The following CNTLN variants were observed in gnomAD, a reference collection of about 807,000 sequenced individuals.
The protein encoded by CNTLN is centlein, centrosomal protein.
CNTLN carries 212 observed loss-of-function variants against 180.0 expected under a neutral mutation model. That is an observed-to-expected ratio of 1.18 (90% confidence interval 1.05 to 1.32). The LOEUF is 1.32. Among genes scored for constraint, CNTLN ranks in the 40% most tolerant of loss-of-function variants. The pLI is 0.00. For missense variants in CNTLN, 2,095 were observed against 1,610.9 expected (o/e 1.30, Z -5.14); for synonymous variants, 722 against 563.1 (o/e 1.28, Z -3.99).
chr9:17,285,456 A>AAT (rs1277184009), intron 6 of CNTLN, among the ~76,000 whole-genome samples: 3 of 147,852 alleles, frequency 2.0e-5, no homozygotes, highest in Non-Finnish European at 3.0e-5. Context: ...ATAATGCCAC[A>AAT]ATAAACATAC....
Position 17,416,123 on chromosome 9 carries a change from T to A in CNTLN, c.3048T>A (p.Asn1016Lys). The A allele has an allele frequency of 6.2e-7, 1 of 1,613,618 alleles. No homozygotes were observed. Among genetic ancestry groups the A allele is most frequent in the Admixed American group, 1.7e-5 (1 of 59,976 alleles). The change falls in exon 18 of 26, where the codon AAT becomes AAA. Residue 1016 changes from asparagine (N) to lysine (K), a missense_variant. Transcript: ENST00000380647. Reference sequence around the variant, plus strand: ...CTGTTAAAGAATATAAAGAAGTTAATGAAAAGCTCCTCCATCAACAGCAAG... The same window carrying A: ...CTGTTAAAGAATATAAAGAAGTTAAAGAAAAGCTCCTCCATCAACAGCAAG... ...ELSVKEYKEV[N>K]EKLLHQQQVS...
chr9:17,381,074 A>T (rs999456843), intron 13 of CNTLN, among the ~76,000 whole-genome samples: 1 of 152,184 alleles, frequency 6.6e-6, no homozygotes, highest in East Asian at 1.9e-4. Flanking sequence ...GTTAGTTTCT[A>T]TGGAGGATTG....
intron 2 of CNTLN, among the ~76,000 whole-genome samples, chr9:17,188,852 A>T (rs1038024561): frequency 6.6e-6 from 1 of 151,888 alleles, no homozygotes. Context: ...TGAATTGCTT[A>T]ATTTCATTAT....
Position 17,486,974 on chromosome 9 carries a change from AT to A in CNTLN, c.4042-7del, listed in dbSNP as rs757096311. 29 of 1,489,436 alleles carry A rather than the reference AT, an allele frequency of 1.9e-5. No individual in the cohort carries two copies. The highest frequency in any genetic ancestry group is 2.3e-5 in the Non-Finnish European group (25 of 1,089,376). The allele number at this position is 1,489,436 out of a possible 1,614,324, so 92.3% of individuals were successfully genotyped here. A position where few individuals can be genotyped will look rare whatever the true frequency, so the allele number is the denominator to read the frequency against. ...AAATTTCGTTAACACCAGTGTTTTTATTTTTTTTCTTCAGGAAATTGAAAAA... is the reference window on the plus strand; with the variant it reads ...AAATTTCGTTAACACCAGTGTTTTTATTTTTTTCTTCAGGAAATTGAAAAA... On this transcript the variant is annotated splice_polypyrimidine_tract_variant and intron_variant, in intron 24 of 25. Transcript: ENST00000380647.
At chr9:17,267,269 A>G (rs1361621116) in intron 5 of CNTLN, among the ~76,000 whole-genome samples, 5 of 152,100 alleles carry the variant, frequency 3.3e-5, no homozygotes, top group African/African-American at 9.7e-5. Context: ...GTTTGTCTGT[A>G]AAGTATTTTA....
intron 8 of CNTLN, among the ~76,000 whole-genome samples, chr9:17,321,488 A>C (rs1819908274): frequency 6.6e-6 from 1 of 152,192 alleles, no homozygotes; most frequent in African/African-American, 2.4e-5. Context: ...TTGAATGAAC[A>C]CATGAAAATC....
chr9:17,311,596 T>C (rs956093942), intron 8 of CNTLN, among the ~76,000 whole-genome samples: 1 of 151,414 alleles, frequency 6.6e-6, no homozygotes, highest in Non-Finnish European at 1.5e-5. Context: ...AATCATGAGG[T>C]CAAGAGTTAG....
chr9:17,429,236 AC>A, intron 18 of CNTLN, among the ~76,000 whole-genome samples: 1 of 152,056 alleles, frequency 6.6e-6, no homozygotes, highest in Non-Finnish European at 1.5e-5. Flanking sequence ...TCTTATCTCA[AC>A]AATGCTAATA....
At chr9:17,316,207 C>A (rs935033764) in intron 8 of CNTLN, among the ~76,000 whole-genome samples, 1 of 151,858 alleles carries the variant, frequency 6.6e-6, no homozygotes, top group Non-Finnish European at 1.5e-5. Context: ...CCTTTAGTGG[C>A]AATTTTTGTC....
chr9:17,491,722 T>C lies in CNTLN; in HGVS notation c.4119+4656T>C, dbSNP rs112575183. On this transcript the variant is annotated intron_variant, in intron 25 of 25. Coordinates refer to ENST00000380647, the MANE Select transcript of CNTLN (RefSeq NM_017738.4). ...AAGTAAAGACTTTGATCAGTGGCTTTTCTTTACCTTTAAATATCTCTGTTC... is the reference window on the plus strand; with the variant it reads ...AAGTAAAGACTTTGATCAGTGGCTTCTCTTTACCTTTAAATATCTCTGTTC... Among the ~76,000 whole-genome samples, 1,435 of 152,262 alleles carry C rather than the reference T, an allele frequency of 9.4e-3. 13 individuals carry two copies. Among genetic ancestry groups the C allele is most frequent in the Non-Finnish European group, 0.014 (954 of 67,978 alleles).
intron 5 of CNTLN, among the ~76,000 whole-genome samples, chr9:17,253,153 T>A (rs1041898550): frequency 1.3e-5 from 2 of 151,900 alleles, no homozygotes; most frequent in South Asian, 4.1e-4. Flanking sequence ...ACCAACACCA[T>A]GCTGTTTCAG....
intron 5 of CNTLN, among the ~76,000 whole-genome samples, chr9:17,256,538 T>C (rs180859183): frequency 2.0e-5 from 3 of 151,720 alleles, no homozygotes; most frequent in Admixed American, 2.0e-4. Context: ...CTTTCATGAT[T>C]GTTGGCTGTT....
chr9:17,164,707 A>C (rs915622164), intron 2 of CNTLN, among the ~76,000 whole-genome samples: 6 of 151,722 alleles, frequency 4.0e-5, no homozygotes, highest in African/African-American at 1.5e-4. Flanking sequence ...TTAGCCTCCC[A>C]AAGTGCTGGG....
At chr9:17,176,760 A>T (rs1418006178) in intron 2 of CNTLN, among the ~76,000 whole-genome samples, 1 of 152,110 alleles carries the variant, frequency 6.6e-6, no homozygotes, top group African/African-American at 2.4e-5. Context: ...GCTTTCCTTA[A>T]TAGTTATAGG....
intron 23 of CNTLN, among the ~76,000 whole-genome samples, chr9:17,470,094 T>C (rs1831974579): frequency 6.6e-6 from 1 of 151,944 alleles, no homozygotes; most frequent in South Asian, 2.1e-4. Context: ...TGTAAACTTG[T>C]ATTTTTCTTT....
intron 8 of CNTLN, among the ~76,000 whole-genome samples, chr9:17,318,166 T>C (rs1819656472): frequency 6.6e-6 from 1 of 151,916 alleles, no homozygotes; most frequent in Non-Finnish European, 1.5e-5. Flanking sequence ...TAGCTGGGAC[T>C]ACAGGCGCCC....
At chr9:17,494,056 G>A (rs1164427697) in intron 25 of CNTLN, among the ~76,000 whole-genome samples, 2 of 152,158 alleles carry the variant, frequency 1.3e-5, no homozygotes, top group African/African-American at 4.8e-5. Flanking sequence ...AATAATGCAT[G>A]CCAAAATGCA....
intron 10 of CNTLN, among the ~76,000 whole-genome samples, chr9:17,338,088 T>G (rs1381449815): frequency 6.6e-6 from 1 of 151,934 alleles, no homozygotes; most frequent in Non-Finnish European, 1.5e-5. Context: ...GACATGAATC[T>G]CTTCCAATAT....
chr9:17,318,796 A>C (rs1264894107), intron 8 of CNTLN, among the ~76,000 whole-genome samples: 1 of 152,122 alleles, frequency 6.6e-6, no homozygotes, highest in East Asian at 1.9e-4. Context: ...CTCTCTTTTT[A>C]GTATTCAGTC....
Sources: gnomAD v4.1 joint callset for allele counts (sites outside exome capture counted in the v4.1 genomes callset) on GRCh38, gnomAD v4.1.1 for gene constraint, MANE v1.5 for transcripts, NCBI Gene and HGNC (gene_info 2026-07-23, HGNC 2026-07-21) for gene names.